The following SPTLC3 variants were observed in gnomAD, a reference collection of about 807,000 sequenced individuals.
SPTLC3 encodes serine palmitoyltransferase 3.
SPTLC3 carries 36 observed loss-of-function variants against 59.3 expected under a neutral mutation model. The observed-to-expected ratio is 0.61, with a 90% CI of 0.47 to 0.80. The LOEUF is 0.80. SPTLC3 is among the 30% of genes least tolerant of loss of function. The pLI is 0.00. For missense variants in SPTLC3, 625 were observed against 685.1 expected (o/e 0.91, Z 0.98); for synonymous variants, 257 against 240.8 (o/e 1.07, Z -0.62).
chr20:13,125,784 G>GACCCAGAACC (rs2037974898), intron 8 of SPTLC3, among the ~76,000 whole-genome samples: 2 of 152,284 alleles, frequency 1.3e-5, no homozygotes, highest in South Asian at 2.1e-4. Flanking sequence ...TTGAGGCATA[G>GACCCAGAACC]ACCCAGAACC....
chr20:13,082,071 T>A (rs562274939), intron 4 of SPTLC3, among the ~76,000 whole-genome samples: 1 of 152,250 alleles, frequency 6.6e-6, no homozygotes, highest in East Asian at 1.9e-4. Flanking sequence ...TCCTATAGGT[T>A]CAACAAAGCC....
intron 8 of SPTLC3, among the ~76,000 whole-genome samples, chr20:13,125,999 C>T (rs1220758843): frequency 6.6e-6 from 1 of 152,182 alleles, no homozygotes; most frequent in Non-Finnish European, 1.5e-5. Context: ...TTCAACTTCT[C>T]TCTTCTGCCA....
intron 6 of SPTLC3, among the ~76,000 whole-genome samples, chr20:13,093,940 A>C (rs961331388): frequency 2.6e-5 from 4 of 152,172 alleles, no homozygotes; most frequent in Admixed American, 6.5e-5. Context: ...GTTTTGTGTT[A>C]AGGTCAGGTA....
At chr20:13,078,770 G>A (rs1173941939) in intron 4 of SPTLC3, among the ~76,000 whole-genome samples, 2 of 152,160 alleles carry the variant, frequency 1.3e-5, no homozygotes, top group African/African-American at 2.4e-5. Context: ...GAGGGCAAGT[G>A]AGACTTGTGG....
intron 2 of SPTLC3, among the ~76,000 whole-genome samples, chr20:13,070,019 G>T (rs1323214755): frequency 6.6e-6 from 1 of 152,036 alleles, no homozygotes; most frequent in Non-Finnish European, 1.5e-5. Flanking sequence ...AATCCACAAA[G>T]CAGTAAACAG....
intron 9 of SPTLC3, among the ~76,000 whole-genome samples, chr20:13,140,066 G>A (rs1306576337): frequency 6.6e-6 from 1 of 152,080 alleles, no homozygotes; most frequent in Non-Finnish European, 1.5e-5. Flanking sequence ...AGACCCTGAA[G>A]ATAATAATTC....
intron 1 of SPTLC3, 27 bp from the exon 2 acceptor site, chr20:13,048,918 A>G (rs1291490004): frequency 2.0e-6 from 3 of 1,528,458 alleles, no homozygotes; most frequent in Admixed American, 4.4e-5. Context: ...GAGAATGCTA[A>G]CCTTGGATTT....
At chr20:13,017,238 A>G (rs543377727) in intron 1 of SPTLC3, among the ~76,000 whole-genome samples, 77 of 152,324 alleles carry the variant, frequency 5.1e-4, no homozygotes, top group African/African-American at 1.6e-3. Context: ...AAACTGTCAT[A>G]TATCTGTGCT....
chr20:13,068,215 G>T (rs1349386269), intron 2 of SPTLC3, among the ~76,000 whole-genome samples: 2 of 152,028 alleles, frequency 1.3e-5, no homozygotes, highest in Admixed American at 1.3e-4. Flanking sequence ...CTATTTTTGT[G>T]GGTCTTTTTA....
intron 4 of SPTLC3, 103 bp from the exon 5 acceptor site, chr20:13,090,980 C>G: frequency 1.3e-6 from 2 of 1,493,094 alleles, no homozygotes; most frequent in Non-Finnish European, 1.8e-6. Flanking sequence ...TACAAGCACT[C>G]TTGTATAGGT....
intron 6 of SPTLC3, among the ~76,000 whole-genome samples, chr20:13,102,522 C>A (rs1435544386): frequency 6.6e-6 from 1 of 152,170 alleles, no homozygotes. Flanking sequence ...ACGCTACCTC[C>A]TTTCCTGGCC....
At chr20:13,131,628 C>T (rs1450457012) in intron 9 of SPTLC3, among the ~76,000 whole-genome samples, 1 of 152,160 alleles carries the variant, frequency 6.6e-6, no homozygotes, top group Non-Finnish European at 1.5e-5. Context: ...ACACACTCTA[C>T]TTGACATATA....
intron 1 of SPTLC3, among the ~76,000 whole-genome samples, chr20:13,022,373 A>G (rs1374505863): frequency 1.3e-5 from 2 of 152,208 alleles, no homozygotes; most frequent in South Asian, 4.1e-4. Context: ...CTATTGCTGC[A>G]TAACAATGCA....
intron 1 of SPTLC3, among the ~76,000 whole-genome samples, chr20:13,028,321 T>A (rs779824400): frequency 6.6e-5 from 10 of 152,210 alleles, no homozygotes; most frequent in Non-Finnish European, 1.3e-4. Context: ...AGGGGGCTGA[T>A]GTCTGGTGAT....
At chr20:13,046,590 G>A (rs1015471534) in intron 1 of SPTLC3, among the ~76,000 whole-genome samples, 3 of 152,188 alleles carry the variant, frequency 2.0e-5, no homozygotes, top group African/African-American at 7.2e-5. Context: ...GAAGGATGTG[G>A]GAGGTGGGTC....
chr20:13,063,661 ATTTATTTT>A (rs1419152432), intron 2 of SPTLC3, among the ~76,000 whole-genome samples: 2 of 148,738 alleles, frequency 1.3e-5, no homozygotes, highest in African/African-American at 5.0e-5. Flanking sequence ...TTATTTATTT[ATTTATTTT>A]TTGAGACAGG....
chr20:13,100,153 T>G (rs530927541), intron 6 of SPTLC3, among the ~76,000 whole-genome samples: 1 of 152,312 alleles, frequency 6.6e-6, no homozygotes, highest in African/African-American at 2.4e-5. Context: ...TTCTGGGCCC[T>G]TGGATTTTTT....
Position 13,107,406 on chromosome 20 carries a change from ATGG to A in SPTLC3, c.827-2703_827-2701del, listed in dbSNP as rs527581214. Among the ~76,000 whole-genome samples the A allele has an allele frequency of 1.3e-3, 200 of 152,356 alleles. 1 individual carries two copies. The highest frequency in any genetic ancestry group is 4.5e-3 in the African/African-American group (189 of 41,590). On this transcript the variant is annotated intron_variant, in intron 6 of 11. Coordinates refer to ENST00000399002, the MANE Select transcript of SPTLC3 (RefSeq NM_018327.4). ...AAGGAATAAGAAAAACTAATGAAAA[ATGG>A]TGTCCAGATGGCAGAGGGAAGAAGC...
At chr20:13,048,764 C>T (rs1987339645) in intron 1 of SPTLC3, among the ~76,000 whole-genome samples, 181 bp from the exon 2 acceptor site, 1 of 152,174 alleles carries the variant, frequency 6.6e-6, no homozygotes, top group Non-Finnish European at 1.5e-5. Flanking sequence ...AATTATGTTA[C>T]TATGGCTTGT....
Sources: allele counts gnomAD v4.1 joint callset (sites outside exome capture counted in the v4.1 genomes callset), GRCh38; gene constraint gnomAD v4.1.1; transcripts MANE v1.5; gene names NCBI Gene and HGNC (gene_info 2026-07-23, HGNC 2026-07-21).